Variants in STAT2 observed in about 807,000 individuals in gnomAD.
STAT2 encodes the protein signal transducer and activator of transcription 2.
STAT2 carries 51 observed loss-of-function variants against 122.3 expected under a neutral mutation model. That is an observed-to-expected ratio of 0.42 (90% CI 0.33 to 0.53). The LOEUF is 0.53. STAT2 is among the 20% of genes least tolerant of loss of function. STAT2 has a pLI of 0.10. For missense variants in STAT2, 736 were observed against 1,010.3 expected, an observed-to-expected ratio of 0.73 and a Z score of 3.68; for synonymous variants, 351 against 394.9, an observed-to-expected ratio of 0.89 and a Z score of 1.32.
At chr12:56,355,890 T>G in intron 3 of STAT2, 87 bp from the exon 4 acceptor site, 2 of 1,402,436 alleles carry the variant, frequency 1.4e-6, no homozygotes, top group African/African-American at 1.4e-5. Context: ...ATGTCCACAG[T>G]ATTTCCTCCT....
rs760526213 is a variant in STAT2 at position 56,351,307 on chromosome 12, T to C, written c.926A>G (p.Gln309Arg). The C allele has an allele frequency of 9.9e-6, 16 of 1,614,050 alleles. No homozygotes were observed. The highest frequency in any genetic ancestry group is 1.7e-5 in the Admixed American group (1 of 59,994). The part of the protein sequence containing the change: ...LRNAQVTELL[Q>R]RLLHRAFVVE... Reference sequence around the variant, plus strand: ...GCCTCTAGACCTGTGGAGCAGACGCTGTAGCAACTCTGTGACCTGGGCGTT... The same window carrying C: ...GCCTCTAGACCTGTGGAGCAGACGCCGTAGCAACTCTGTGACCTGGGCGTT... Residue 309 changes from glutamine to arginine, a missense_variant, in exon 9 of 24, where the codon CAG (glutamine) becomes CGG (arginine). By Grantham distance (43) the Gln-to-Arg change is conservative (BLOSUM62 1). Coordinates refer to ENST00000314128, the MANE Select transcript of STAT2 (RefSeq NM_005419.4).
chr12:56,344,590 G>T (rs1877070425), intron 22 of STAT2, among the ~76,000 whole-genome samples: 1 of 152,218 alleles, frequency 6.6e-6, no homozygotes, highest in Non-Finnish European at 1.5e-5. Flanking sequence ...AAACTCTCAG[G>T]CCAGGCATGG....
At chr12:56,345,977 A>G (rs1330157349) in intron 22 of STAT2, among the ~76,000 whole-genome samples, 169 bp downstream of exon 22, 2 of 152,110 alleles carry the variant, frequency 1.3e-5, no homozygotes, top group Non-Finnish European at 2.9e-5. Flanking sequence ...AGACTGGAAT[A>G]GGGCAGCTTA....
At chr12:56,358,552 A>G (rs374748673) in intron 1 of STAT2, among the ~76,000 whole-genome samples, 1 of 152,088 alleles carries the variant, frequency 6.6e-6, no homozygotes, top group East Asian at 1.9e-4. Context: ...GGCCACCTGA[A>G]GCTTTTTTAG....
intron 22 of STAT2, among the ~76,000 whole-genome samples, chr12:56,345,514 A>T (rs1401833282): frequency 8.1e-4 from 22 of 27,176 alleles, no homozygotes; most frequent in Non-Finnish European, 1.0e-3. Flanking sequence ...AAAAAAAAAA[A>T]AAAAAAAAAA....
In STAT2 at chr12:56,354,536, A is replaced by G. The variant is rs764242747; in HGVS notation, c.712T>C (p.Trp238Arg). The stretch of plus-strand genomic sequence containing the variant: ...CAGGCTTTTTGCTGCTGGGCCTTCC[A>G]CTCCTCCAACTTTGGCAGCAGTAGC... Reference protein sequence around the residue: ...IELLLPKLEEWKAQQQKACIR... With the variant: ...IELLLPKLEERKAQQQKACIR... Residue 238 changes from tryptophan to arginine, a missense_variant, in exon 8 of 24, where the codon TGG (tryptophan) becomes CGG (arginine). Trp to Arg is a moderately radical substitution (Grantham distance 101). Transcript: ENST00000314128. The G allele has an allele frequency of 1.2e-6, 2 of 1,613,834 alleles. No homozygotes were observed. Among genetic ancestry groups the G allele is most frequent in the Non-Finnish European group, 1.7e-6 (2 of 1,179,952 alleles).
At chr12:56,348,440 T>G (rs1877880359) in intron 19 of STAT2, 89 bp downstream of exon 19, 9 of 1,375,440 alleles carry the variant, frequency 6.5e-6, no homozygotes, top group African/African-American at 2.9e-5. Context: ...CTTTGCTCTC[T>G]CTCCCTGCTT....
chr12:56,354,633 G>C lies in STAT2; in HGVS notation c.634-19C>G, dbSNP rs763238260. ...GCACCTCCTGGGAAAGAGATAATGT[G>C]AGTGTTGAGCATCTCTCCCTTTCAC... On this transcript the variant is annotated intron_variant, in intron 7 of 23. Transcript: ENST00000314128. 9 of 1,614,064 alleles carry C rather than the reference G, an allele frequency of 5.6e-6. No individual in the cohort carries two copies. The South Asian group carries it at 9.9e-5, about 18-fold the overall frequency.
chr12:56,343,877 T>G lies in STAT2; in HGVS notation c.2361A>C (p.Pro787=). 6.2e-7 allele frequency: 1 copy of G among 1,614,220 alleles called. No individual in the cohort carries two copies. The highest frequency in any genetic ancestry group is 8.5e-7 in the Non-Finnish European group (1 of 1,180,036). Residue 787 remains proline (P), a synonymous_variant, in exon 23 of 24, where the codon CCA becomes CCC. Coordinates refer to ENST00000314128, the MANE Select transcript of STAT2 (RefSeq NM_005419.4). ...PDQGPVSQPV[P]EPDLPCDLRH... ...TCAGATCACAGGGCAAATCTGGCTC[T>G]GGCACTGGCTGTGATACAGGTCCTT... is the stretch of plus-strand genomic sequence containing the variant.
intron 1 of STAT2, among the ~76,000 whole-genome samples, chr12:56,359,835 T>C (rs1880105239): frequency 6.6e-6 from 1 of 152,050 alleles, no homozygotes; most frequent in South Asian, 2.1e-4. Context: ...AGATTCCGGG[T>C]CTCGGAAGCT....
chr12:56,355,926 T>G, intron 3 of STAT2, 123 bp from the exon 4 acceptor site: 2 of 1,261,584 alleles, frequency 1.6e-6, no homozygotes, highest in Non-Finnish European at 2.2e-6. Flanking sequence ...GCCCTTTGTC[T>G]TTTCACCATA....
At chr12:56,351,270 G>A in intron 9 of STAT2, 22 bp downstream of exon 9, 1 of 1,612,822 alleles carries the variant, frequency 6.2e-7, no homozygotes, top group Non-Finnish European at 8.5e-7. Flanking sequence ...TTTCCCCCAG[G>A]GTTCCTGCCT....
chr12:56,344,435 G>A (rs1392971480), intron 22 of STAT2, among the ~76,000 whole-genome samples: 4 of 152,184 alleles, frequency 2.6e-5, no homozygotes, highest in Non-Finnish European at 4.4e-5. Flanking sequence ...CATTAGCCAC[G>A]TACCTTAGGT....
At position 56,349,073 on chromosome 12, in the gene STAT2, A is replaced by G. The variant is rs747622726; in HGVS notation, c.1441-14T>C. ...GAACTGCTGGTTCTGCAGGGGTGGG[A>G]GCAGTGTAGGCTGGCTCAGAAGCAA... On this transcript the variant is annotated splice_polypyrimidine_tract_variant and intron_variant, in intron 16 of 23. Coordinates refer to ENST00000314128, the MANE Select transcript of STAT2 (RefSeq NM_005419.4). 3.6e-5 allele frequency: 58 copies of G among 1,613,226 alleles called. No homozygotes were observed. Among genetic ancestry groups the G allele is most frequent in the African/African-American group, 5.3e-5 (4 of 74,970 alleles).
At position 56,344,197 on chromosome 12, in the gene STAT2, T is replaced by C. The variant is rs541439270; in HGVS notation, c.2103-62A>G. On this transcript the variant is annotated intron_variant, in intron 22 of 23. Transcript: ENST00000314128. ...GTGGTTCAAATGAAATCAGGAATGG[T>C]AGAATAAGCAGAAGCTAGTCTAAGA... The C allele has an allele frequency of 1.0e-4, 152 of 1,503,168 alleles. 1 individual carries two copies. In the Middle Eastern group the frequency reaches 3.1e-3, roughly 30 times the overall value. 93.1% of individuals were successfully genotyped at this position (1,503,168 alleles called of 1,614,324 possible).
At chr12:56,350,483 T>C in intron 11 of STAT2, 51 bp from the exon 12 acceptor site, 1 of 1,543,576 alleles carries the variant, frequency 6.5e-7, no homozygotes, top group Non-Finnish European at 8.7e-7. Flanking sequence ...GTATGGAAGT[T>C]AGGAGTTTCG....
intron 2 of STAT2, 58 bp downstream of exon 2, chr12:56,356,382 CG>C: frequency 2.5e-6 from 4 of 1,607,648 alleles, no homozygotes; most frequent in Non-Finnish European, 3.4e-6. Context: ...TCCAGGATCC[CG>C]GGGGCCCAGA....
rs113456463 is a variant in STAT2 at position 56,346,473 on chromosome 12, A to G, written c.2013T>C (p.Asp671=). 2 of 1,614,114 alleles carry G rather than the reference A, an allele frequency of 1.2e-6. No homozygotes were observed. The highest frequency in any genetic ancestry group is 1.6e-4 in the Middle Eastern group (1 of 6,084). Residue 671 remains aspartate (D), a synonymous_variant, in exon 21 of 24, where the codon GAT becomes GAC. Transcript: ENST00000314128. Reference sequence around the variant, plus strand: ...CCTGGTAGTAGCACCCAAAAGCTTCATCCCGGGGGATTCGGGGATAGAGGA... The same window carrying G: ...CCTGGTAGTAGCACCCAAAAGCTTCGTCCCGGGGGATTCGGGGATAGAGGA... ...LRFLYPRIPR[D]EAFGCYYQEK...
At position 56,354,575 on chromosome 12, in the gene STAT2, T is replaced by A. The variant is rs1879215140; in HGVS notation, c.673A>T (p.Thr225Ser). 2 of 1,614,150 alleles carry A rather than the reference T, an allele frequency of 1.2e-6. No individual in the cohort carries two copies. Among genetic ancestry groups the A allele is most frequent in the Non-Finnish European group, 8.5e-7 (1 of 1,180,018 alleles). Residue 225 changes from threonine to serine, a missense_variant, in exon 8 of 24, where the codon ACT becomes TCT. Thr to Ser is a moderately conservative substitution (Grantham distance 58). Coordinates refer to ENST00000314128, the MANE Select transcript of STAT2 (RefSeq NM_005419.4). ...GGCAGCAGTAGCTCGATTAGGGTAG[T>A]TAATCGGCCTAGCAGTGCTTTGGAG... ...DASKALLGRL[T>S]TLIELLLPKL...
Sources: allele counts gnomAD v4.1 joint callset (sites outside exome capture counted in the v4.1 genomes callset), GRCh38; gene constraint gnomAD v4.1.1; transcripts MANE v1.5; gene names NCBI Gene and HGNC (gene_info 2026-07-23, HGNC 2026-07-21).